The following MINK1 variants were observed in gnomAD, a reference collection of about 807,000 sequenced individuals.
MINK1 encodes the protein misshapen like kinase 1, also known as misshapen-like kinase 1.
A neutral mutation model predicts 178.4 loss-of-function variants in MINK1; 46 were observed. The ratio of observed to expected loss-of-function variants is 0.26; its 90% confidence interval spans 0.20 to 0.33. The LOEUF is 0.33. Among genes scored for constraint, MINK1 ranks in the 10% least tolerant of loss-of-function variants. The pLI, the probability that MINK1 is intolerant of heterozygous loss-of-function variation, is 1.00. For missense variants in MINK1, 1,366 were observed against 1,814.9 expected, an observed-to-expected ratio of 0.75 and a Z score of 4.49; for synonymous variants, 797 against 709.7, an observed-to-expected ratio of 1.12 and a Z score of -1.96.
intron 1 of MINK1, chr17:4,875,132 TG>T (rs758465078): frequency 1.9e-6 from 1 of 520,112 alleles, no homozygotes; most frequent in Non-Finnish European, 3.8e-6. Context: ...TGAGTTCTTC[TG>T]TTGGGGAGCT....
In MINK1 at chr17:4,833,559, C is replaced by T. The variant is rs1157885736; in HGVS notation, c.-25C>T. The T allele has an allele frequency of 3.4e-6, 5 of 1,490,628 alleles. No individual in the cohort carries two copies. In the African/African-American group the frequency reaches 5.8e-5, roughly 17 times the overall value. The allele number at this position is 1,490,628 out of a possible 1,614,324, so 92.3% of individuals were successfully genotyped here. The stretch of plus-strand genomic sequence containing the variant: ...AACCGAGCCGGAGCGTGAGCGGCCC[C>T]GGTGCCCCGTTCCCCACGGAGGCCA... On this transcript the variant is annotated 5_prime_UTR_variant, in exon 1 of 32. Transcript: ENST00000355280. This position sits in a 1 kb window ranked among gnomAD's most constrained non-coding sequence, Gnocchi z 4.8.
chr17:4,892,782 G>A lies in MINK1; in HGVS notation c.2311+14G>A, dbSNP rs374162379. On this transcript the variant is annotated intron_variant, in intron 19 of 31. Coordinates refer to ENST00000355280, the MANE Select transcript of MINK1 (RefSeq NM_153827.5). ...ACCGCGTGGGAGGTATGTGAGCCAGGGCTGGGCAGCCTGCTCTGGGCCTGG... is the reference window on the plus strand; with the variant it reads ...ACCGCGTGGGAGGTATGTGAGCCAGAGCTGGGCAGCCTGCTCTGGGCCTGG... 3.8e-6 allele frequency: 6 copies of A among 1,589,844 alleles called. No homozygotes were observed. Among genetic ancestry groups the A allele is most frequent in the Non-Finnish European group, 5.1e-6 (6 of 1,167,360 alleles).
Position 4,891,523 on chromosome 17 carries a change from A to G in MINK1, c.1808A>G (p.Gln603Arg). 1 of 1,612,002 alleles carries G rather than the reference A, an allele frequency of 6.2e-7. No individual in the cohort carries two copies. Among genetic ancestry groups the G allele is most frequent in the African/African-American group, 1.3e-5 (1 of 74,976 alleles). ...AAPVPRSQSL[Q>R]DQPTRNLAAF... ...CCTGTACCCCGATCCCAGTCCCTGC[A>G]GGACCAGCCCACCCGAAACCTGGCT... Residue 603 changes from glutamine to arginine, a missense_variant, in exon 16 of 32, where the codon CAG (glutamine) becomes CGG (arginine). This residue lies in a region of MINK1 where 709 missense variants were observed against 692.3 expected (regional missense o/e 1.02). Coordinates refer to ENST00000355280, the MANE Select transcript of MINK1 (RefSeq NM_153827.5).
At chr17:4,876,226 C>T (rs1301240022) in intron 1 of MINK1, among the ~76,000 whole-genome samples, 3 of 152,206 alleles carry the variant, frequency 2.0e-5, no homozygotes, top group Non-Finnish European at 1.5e-5. Flanking sequence ...ATACTTCCTC[C>T]CGAGCAGGCT....
chr17:4,839,224 C>G (rs185786071), intron 1 of MINK1, among the ~76,000 whole-genome samples: 1 of 152,028 alleles, frequency 6.6e-6, no homozygotes, highest in African/African-American at 2.4e-5. Flanking sequence ...ATTACAGGCG[C>G]GAGCCACCGT....
chr17:4,834,084 G>A (rs1908915741), intron 1 of MINK1, among the ~76,000 whole-genome samples: 1 of 151,736 alleles, frequency 6.6e-6, no homozygotes, highest in Non-Finnish European at 1.5e-5. Flanking sequence ...CAACTGTCTC[G>A]ACAGCCTCTC....
Position 4,886,618 on chromosome 17 carries a change from G to A in MINK1, c.941G>A (p.Gly314Asp). The A allele has an allele frequency of 6.3e-7, 1 of 1,591,618 alleles. No homozygotes were observed. The highest frequency in any genetic ancestry group is 8.6e-7 in the Non-Finnish European group (1 of 1,167,464). Residue 314 changes from glycine (G) to aspartate (D), a missense_variant, in exon 10 of 32, where the codon GGT (glycine) becomes GAT (aspartate). By Grantham distance (94) the Gly-to-Asp change is moderately conservative. Around this residue, in one of 14 missense-constraint regions of MINK1, gnomAD observed 23 missense variants for 30.2 expected, o/e 0.76. Coordinates refer to ENST00000355280, the MANE Select transcript of MINK1 (RefSeq NM_153827.5). This position sits in a 1 kb window ranked among gnomAD's most constrained non-coding sequence, Gnocchi z 6.1. ...ATTGACCGATCCCGGAAGAAGCGGG[G>A]TGAGAAAGGTCAGTGGGCAGGCTGG... ...DHIDRSRKKRGEKEETEYEYS... is the reference protein window; with the variant it reads ...DHIDRSRKKRDEKEETEYEYS...
At chr17:4,864,871 C>T (rs1362231258) in intron 1 of MINK1, among the ~76,000 whole-genome samples, 3 of 152,118 alleles carry the variant, frequency 2.0e-5, no homozygotes, top group East Asian at 3.9e-4. Context: ...ACTGGAAAGC[C>T]GGTTAGACCA....
At chr17:4,859,561 A>G (rs1913781445) in intron 1 of MINK1, among the ~76,000 whole-genome samples, 1 of 151,864 alleles carries the variant, frequency 6.6e-6, no homozygotes, top group Admixed American at 6.6e-5. Flanking sequence ...GCTGAGGCGG[A>G]TGGATCACAT....
intron 1 of MINK1, among the ~76,000 whole-genome samples, chr17:4,860,508 T>A (rs1913997085): frequency 6.6e-6 from 1 of 152,160 alleles, no homozygotes; most frequent in Non-Finnish European, 1.5e-5. Context: ...GTTTCTAATC[T>A]CCTCTCAGTC....
rs1365278356 is a variant in MINK1, at chr17:4,893,990, G to A, written c.2567G>A (p.Ser856Asn). The change falls in exon 22 of 32, where the codon AGC becomes AAC. Residue 856 changes from serine to asparagine, a missense_variant and splice_region_variant. Coordinates refer to ENST00000355280, the MANE Select transcript of MINK1 (RefSeq NM_153827.5). ...GGCCCCACCTTCCTCTCTCACAGCA[G>A]CGATGGGGATACAGACAGCGTCAGC... is the stretch of plus-strand genomic sequence containing the variant. ...EGSRDTPGGR[S>N]DGDTDSVSTM... 6.3e-7 allele frequency: 1 copy of A among 1,574,956 alleles called. No individual in the cohort carries two copies. The highest frequency in any genetic ancestry group is 2.3e-5 in the East Asian group (1 of 43,736).
At chr17:4,881,532 CTG>C (rs1462223712) in intron 4 of MINK1, among the ~76,000 whole-genome samples, 2 of 152,210 alleles carry the variant, frequency 1.3e-5, no homozygotes, top group African/African-American at 2.4e-5. Flanking sequence ...GTGTCTCACA[CTG>C]TGCGATCGGC....
Position 4,892,400 on chromosome 17 carries a change from A to C in MINK1, c.2088-2A>C, listed in dbSNP as rs750074021. Reference sequence around the variant, plus strand: ...CTCGGCACCCCTGTGCTCCCTTCACAGACCTCGCAGCAACTCCGCCTGGCA... The same window carrying C: ...CTCGGCACCCCTGTGCTCCCTTCACCGACCTCGCAGCAACTCCGCCTGGCA... On this transcript the variant is annotated splice_acceptor_variant, in intron 17 of 31. Coordinates refer to ENST00000355280, the MANE Select transcript of MINK1 (RefSeq NM_153827.5). LOFTEE classifies it high-confidence loss of function. 1 of 1,524,994 alleles carries C rather than the reference A, an allele frequency of 6.6e-7. No homozygotes were observed. The highest frequency in any genetic ancestry group is 8.8e-7 in the Non-Finnish European group (1 of 1,139,030). 94.5% of individuals were successfully genotyped at this position (1,524,994 alleles called of 1,614,324 possible).
chr17:4,861,285 AAG>A (rs1390940769), intron 1 of MINK1, among the ~76,000 whole-genome samples: 1 of 152,152 alleles, frequency 6.6e-6, no homozygotes, highest in Non-Finnish European at 1.5e-5. Flanking sequence ...GACATCTACC[AAG>A]AGTTTCTGCG....
chr17:4,843,216 C>A (rs1022013886), intron 1 of MINK1, among the ~76,000 whole-genome samples: 4 of 152,134 alleles, frequency 2.6e-5, no homozygotes, highest in Admixed American at 1.3e-4. Context: ...GTGGCTCATG[C>A]CTGTAATCCC....
chr17:4,866,179 G>A (rs1914925885), intron 1 of MINK1, among the ~76,000 whole-genome samples: 1 of 151,914 alleles, frequency 6.6e-6, no homozygotes, highest in Non-Finnish European at 1.5e-5. Context: ...GAGTTAGAAA[G>A]TTTTTGGGCC....
Position 4,896,895 on chromosome 17 carries a change from ATGG to A in MINK1, c.3915+92_3915+94del. The A allele has an allele frequency of 6.8e-7, 1 of 1,478,460 alleles. No individual in the cohort carries two copies. The highest frequency in any genetic ancestry group is 1.4e-5 in the African/African-American group (1 of 70,620). The allele number at this position is 1,478,460 out of a possible 1,614,324, so 91.6% of individuals were successfully genotyped here. The stretch of plus-strand genomic sequence containing the variant: ...CCCTGGGCAGAGTTCTGGGGAGAGG[ATGG>A]TGGTGGTGGCTTCCTGAAAGCGGGC... On this transcript the variant is annotated intron_variant, in intron 31 of 31. Transcript: ENST00000355280. This position sits in a 1 kb window ranked among gnomAD's most constrained non-coding sequence, Gnocchi z 4.6.
rs540932072 is a variant in MINK1 at position 4,871,989 on chromosome 17, A to G, written c.58-6328A>G. On this transcript the variant is annotated intron_variant, in intron 1 of 31. Transcript: ENST00000355280. ...AGCCTCCTGAGGGAAATACAAATCA[A>G]AACCACAATGAGATACCACTTCACA... is the stretch of plus-strand genomic sequence containing the variant. Among the ~76,000 whole-genome samples, 74 of 152,274 alleles carry G rather than the reference A, an allele frequency of 4.9e-4. 1 individual carries two copies. The highest frequency in any genetic ancestry group is 1.6e-3 in the Admixed American group (25 of 15,286).
In MINK1 at chr17:4,890,597, C is replaced by G. The variant is rs773601230; in HGVS notation, c.1428C>G (p.Leu476=). Residue 476 remains leucine (L), a synonymous_variant, in exon 14 of 32, where the codon CTC becomes CTG. Coordinates refer to ENST00000355280, the MANE Select transcript of MINK1 (RefSeq NM_153827.5). ...AGCTGCAGCAGGAGCATGCCTACCT[C>G]AAGTCCCTGCAGCAGCAGCAACAGC... ...QRQLQQEHAY[L]KSLQQQQQQQ... 4.7e-5 allele frequency: 74 copies of G among 1,566,250 alleles called. No homozygotes were observed. Among genetic ancestry groups the G allele is most frequent in the Middle Eastern group, 1.7e-4 (1 of 5,990 alleles).
Sources: gnomAD v4.1 joint callset for allele counts (sites outside exome capture counted in the v4.1 genomes callset) on GRCh38, gnomAD v4.1.1 for gene constraint, gnomAD v4.1.1 regional missense constraint, Gnocchi (gnomAD v3.1) non-coding constraint, MANE v1.5 for transcripts, NCBI Gene and HGNC (gene_info 2026-07-23, HGNC 2026-07-21) for gene names.